CDK6: variants seen among roughly 807,000 people sequenced by gnomAD.
CDK6 encodes the protein cyclin-dependent kinase 6.
CDK6 carries 6 observed loss-of-function variants against 37.1 expected under a neutral mutation model. The observed-to-expected ratio is 0.16, with a 90% CI of 0.09 to 0.32. The LOEUF (loss-of-function observed/expected upper bound fraction) is 0.32, where lower values mean the gene tolerates loss of function less well. Ranked by LOEUF, CDK6 falls within the 10% of genes least tolerant of loss-of-function variation. CDK6 has a pLI of 1.00. For missense variants in CDK6, 224 were observed against 418.9 expected, an observed-to-expected ratio of 0.53 and a Z score of 4.06; for synonymous variants, 160 against 161.3, an observed-to-expected ratio of 0.99 and a Z score of 0.06.
chr7:92,623,002 T>C (rs377600001), intron 6 of CDK6, 34 bp downstream of exon 6: 85 of 1,331,496 alleles, frequency 6.4e-5, no homozygotes, highest in Middle Eastern at 3.6e-4. Flanking sequence ...TTTAATGCTA[T>C]GGACACTGGT....
chr7:92,779,119 C>T (rs1449993569), intron 2 of CDK6, among the ~76,000 whole-genome samples: 1 of 151,940 alleles, frequency 6.6e-6, no homozygotes, highest in Non-Finnish European at 1.5e-5. Context: ...TCACTGAAAC[C>T]GTTTTCAAGC....
At chr7:92,664,560 A>G (rs1796913505) in intron 5 of CDK6, among the ~76,000 whole-genome samples, 1 of 152,230 alleles carries the variant, frequency 6.6e-6, no homozygotes, top group South Asian at 2.1e-4. Flanking sequence ...ATAGAAATCA[A>G]TGACGACAAG....
At chr7:92,643,182 C>T (rs753260088) in intron 5 of CDK6, among the ~76,000 whole-genome samples, 9 of 152,114 alleles carry the variant, frequency 5.9e-5, no homozygotes, top group Non-Finnish European at 1.0e-4. Flanking sequence ...CCACCACGCC[C>T]GGCCAAATCC....
rs566843498 is a variant in CDK6 at position 92,807,415 on chromosome 7, TATAG to T, written c.233+25672_233+25675del. 1.3e-3 allele frequency among the ~76,000 whole-genome samples: 191 copies of T among 152,056 alleles called. 1 individual carries two copies. Among genetic ancestry groups the T allele is most frequent in the Non-Finnish European group, 2.2e-3 (148 of 67,928 alleles). On this transcript the variant is annotated intron_variant, in intron 2 of 7. Transcript: ENST00000424848. ...CTGTATCTAGAGATATCTATCTAGA[TATAG>T]ATAGATATACATCTCTTTATCTAGA... is the stretch of plus-strand genomic sequence containing the variant.
At chr7:92,687,681 T>A (rs1477921947) in intron 4 of CDK6, among the ~76,000 whole-genome samples, 2 of 152,214 alleles carry the variant, frequency 1.3e-5, no homozygotes, top group African/African-American at 4.8e-5. Flanking sequence ...CTATTTATAC[T>A]GAGGTGTACA....
intron 5 of CDK6, among the ~76,000 whole-genome samples, chr7:92,657,516 G>GA (rs1796724202): frequency 6.6e-6 from 1 of 152,006 alleles, no homozygotes; most frequent in African/African-American, 2.4e-5. Context: ...CTGTGCACTG[G>GA]AAAAAAACTG....
chr7:92,776,498 A>G (rs545310367), intron 2 of CDK6, among the ~76,000 whole-genome samples: 8 of 152,314 alleles, frequency 5.3e-5, no homozygotes, highest in East Asian at 3.9e-4. Context: ...GTCTTCCACA[A>G]TGGTTGAACT....
intron 4 of CDK6, among the ~76,000 whole-genome samples, chr7:92,707,022 T>C (rs1797984265): frequency 6.6e-6 from 1 of 152,198 alleles, no homozygotes; most frequent in African/African-American, 2.4e-5. Flanking sequence ...AAAGAGAGAA[T>C]GGTCTCCCTA....
chr7:92,775,560 T>C (rs1021006675), intron 2 of CDK6, among the ~76,000 whole-genome samples: 2 of 152,164 alleles, frequency 1.3e-5, no homozygotes, highest in African/African-American at 4.8e-5. Flanking sequence ...CATAAAAATC[T>C]TAAAATAAGA....
chr7:92,643,467 C>T (rs888172912), intron 5 of CDK6, among the ~76,000 whole-genome samples: 3 of 151,960 alleles, frequency 2.0e-5, no homozygotes, highest in African/African-American at 4.8e-5. Flanking sequence ...CCTTGTGAGG[C>T]TTACAGTTTA....
At position 92,728,346 on chromosome 7, in the gene CDK6, TGTATAA is replaced by T. The variant is rs1297459830; in HGVS notation, c.370-2559_370-2554del. ...AATTACGTATTTTATTATATTTGGA[TGTATAA>T]GTATATTTAAGTAAAAGTGGTTATT... On this transcript the variant is annotated intron_variant, in intron 3 of 7. Coordinates refer to ENST00000424848, the MANE Select transcript of CDK6 (RefSeq NM_001145306.2). Among the ~76,000 whole-genome samples the T allele has an allele frequency of 8.5e-5, 13 of 152,340 alleles. No homozygotes were observed. In the East Asian group the frequency reaches 1.3e-3, roughly 16 times the overall value.
At chr7:92,823,299 A>G (rs1024467832) in intron 2 of CDK6, among the ~76,000 whole-genome samples, 4 of 151,908 alleles carry the variant, frequency 2.6e-5, no homozygotes, top group African/African-American at 9.7e-5. Flanking sequence ...TCTTCCCTTC[A>G]CAAAACTTTA....
intron 3 of CDK6, among the ~76,000 whole-genome samples, chr7:92,741,209 A>G (rs193225788): frequency 9.7e-4 from 147 of 152,322 alleles, no homozygotes; most frequent in Middle Eastern, 6.8e-3. Flanking sequence ...AGAAAGGAGT[A>G]AGGCTTAGAG....
intron 4 of CDK6, among the ~76,000 whole-genome samples, chr7:92,708,283 T>G (rs920115212): frequency 6.6e-6 from 1 of 152,190 alleles, no homozygotes; most frequent in African/African-American, 2.4e-5. Context: ...CTATAATGAG[T>G]ATATATTACT....
chr7:92,791,304 T>C (rs1476933027), intron 2 of CDK6, among the ~76,000 whole-genome samples: 3 of 152,192 alleles, frequency 2.0e-5, no homozygotes, highest in Admixed American at 6.6e-5. Flanking sequence ...CTGGAAACTT[T>C]CCAACAACTT....
chr7:92,804,729 ATTTG>A (rs71889896), intron 2 of CDK6, among the ~76,000 whole-genome samples: 10,498 of 152,206 alleles, frequency 0.069, 404 homozygotes, highest in African/African-American at 0.1. Context: ...GCATTTTGAA[ATTTG>A]TTTGTTGTGG....
intron 5 of CDK6, among the ~76,000 whole-genome samples, chr7:92,629,411 GAGAA>G (rs1439807696): frequency 7.0e-6 from 1 of 143,068 alleles, no homozygotes; most frequent in Non-Finnish European, 1.6e-5. Flanking sequence ...AAGAGATGGA[GAGAA>G]AGAAAGAGAG....
At chr7:92,773,623 T>C (rs1359896067) in intron 3 of CDK6, among the ~76,000 whole-genome samples, 1 of 152,218 alleles carries the variant, frequency 6.6e-6, no homozygotes, top group Non-Finnish European at 1.5e-5. Flanking sequence ...AGGGCCTTAA[T>C]GTCCTTGAAA....
Position 92,835,485 on chromosome 7 carries a change from T to C in CDK6, c.-368+993A>G, listed in dbSNP as rs1801637350. ...CCCCCCTCTCCTCCACTTTTTTTTG[T>C]TGTTGTTGTTGCTTTCCCACGCTGG... On this transcript the variant is annotated intron_variant, in intron 1 of 7. Coordinates refer to ENST00000424848, the MANE Select transcript of CDK6 (RefSeq NM_001145306.2). This position sits in a 1 kb window ranked among gnomAD's most constrained non-coding sequence, Gnocchi z 4.2. Among the ~76,000 whole-genome samples the C allele has an allele frequency of 6.6e-6, 1 of 152,006 alleles. No homozygotes were observed.
Sources: allele counts gnomAD v4.1 joint callset (sites outside exome capture counted in the v4.1 genomes callset), GRCh38; gene constraint gnomAD v4.1.1; non-coding constraint Gnocchi (gnomAD v3.1); transcripts MANE v1.5; gene names NCBI Gene and HGNC (gene_info 2026-07-23, HGNC 2026-07-21).